Variants in RABGAP1L observed in about 807,000 individuals in gnomAD.
RABGAP1L encodes rab GTPase-activating protein 1-like.
RABGAP1L carries 63 observed loss-of-function variants against 137.7 expected under a neutral mutation model. The ratio of observed to expected loss-of-function variants is 0.46; its 90% CI spans 0.37 to 0.56. RABGAP1L has a LOEUF of 0.56. Ranked by LOEUF, RABGAP1L falls within the 20% of genes least tolerant of loss-of-function variation. The pLI is 0.00. For synonymous variants in RABGAP1L, 431 were observed against 433.7 expected (o/e 0.99, Z 0.08); for missense variants, 1,095 against 1,244.0 (o/e 0.88, Z 1.80).
intron 19 of RABGAP1L, among the ~76,000 whole-genome samples, chr1:174,907,231 A>G (rs1375187732): frequency 6.6e-6 from 1 of 152,194 alleles, no homozygotes; most frequent in Non-Finnish European, 1.5e-5. Context: ...CTGAAAGTCA[A>G]AAGGGGGAGG....
intron 19 of RABGAP1L, among the ~76,000 whole-genome samples, chr1:174,935,747 C>T (rs868827666): frequency 3.3e-5 from 5 of 152,068 alleles, no homozygotes; most frequent in Middle Eastern, 3.4e-3. Flanking sequence ...TTTGGGAGGC[C>T]GAGGCGGGCG....
intron 4 of RABGAP1L, among the ~76,000 whole-genome samples, chr1:174,233,135 T>C (rs1213516501): frequency 1.3e-5 from 2 of 152,150 alleles, no homozygotes; most frequent in African/African-American, 2.4e-5. Flanking sequence ...GATACTACTC[T>C]TATTCAAGAG....
rs1676753628 is a variant in RABGAP1L at position 174,292,774 on chromosome 1, A to C, written c.1324-12212A>C. ...GTCCATTATGTCAAGTTCTATAATA[A>C]GATTTTCCTGTGATCTTTACTCAGT... On this transcript the variant is annotated intron_variant, in intron 10 of 25. Transcript: ENST00000681986. 3.3e-5 allele frequency among the ~76,000 whole-genome samples: 5 copies of C among 152,174 alleles called. No homozygotes were observed. The South Asian group carries it at 1.0e-3, about 32-fold the overall frequency.
At chr1:174,838,810 G>A (rs926106343) in intron 19 of RABGAP1L, among the ~76,000 whole-genome samples, 8 of 150,478 alleles carry the variant, frequency 5.3e-5, no homozygotes, top group African/African-American at 1.5e-4. Flanking sequence ...CCAGCTACTC[G>A]GAGAGGCTGA....
intron 12 of RABGAP1L, among the ~76,000 whole-genome samples, chr1:174,372,108 A>G (rs1685158569): frequency 6.6e-6 from 1 of 152,296 alleles, no homozygotes; most frequent in East Asian, 1.9e-4. Context: ...CCTTACACAT[A>G]TCACATAAAA....
chr1:174,456,083 AT>A (rs1028708296), intron 13 of RABGAP1L, among the ~76,000 whole-genome samples: 5 of 152,028 alleles, frequency 3.3e-5, no homozygotes, highest in African/African-American at 1.2e-4. Flanking sequence ...TTCTATGTGA[AT>A]TTTTTTCTTT....
At chr1:174,227,782 T>A (rs976795606) in intron 3 of RABGAP1L, among the ~76,000 whole-genome samples, 1 of 152,132 alleles carries the variant, frequency 6.6e-6, no homozygotes, top group Non-Finnish European at 1.5e-5. Flanking sequence ...TTTGTTACCT[T>A]CTAGATTTTA....
chr1:174,428,797 G>A (rs143539372), intron 13 of RABGAP1L, among the ~76,000 whole-genome samples: 5 of 152,228 alleles, frequency 3.3e-5, no homozygotes, highest in African/African-American at 1.2e-4. Context: ...AATACATGGA[G>A]ATATACAATT....
At chr1:174,780,119 T>TAAAA (rs1344038351) in intron 18 of RABGAP1L, among the ~76,000 whole-genome samples, 11 of 131,090 alleles carry the variant, frequency 8.4e-5, no homozygotes, top group Admixed American at 1.6e-4. Context: ...AATAAATAAA[T>TAAAA]TAAATAAGCC....
chr1:174,874,607 A>T lies in RABGAP1L; in HGVS notation c.2340+62647A>T, dbSNP rs1465684946. The T allele has an allele frequency of 7.4e-5, 44 of 593,486 alleles. No homozygotes were observed. The Middle Eastern group carries it at 2.9e-3, about 39-fold the overall frequency. The allele number at this position is 593,486 out of a possible 1,614,324, so 36.8% of individuals were successfully genotyped here. ...TTTTTTTTTTTTTTTTTTTTTTCCA[A>T]TGCAGTTGCGTGGTGTGAAGGCGAT... is the stretch of plus-strand genomic sequence containing the variant. On this transcript the variant is annotated intron_variant, in intron 19 of 25. Coordinates refer to ENST00000681986, the MANE Select transcript of RABGAP1L (RefSeq NM_001366446.1).
At chr1:174,772,299 T>G (rs1686176797) in intron 18 of RABGAP1L, among the ~76,000 whole-genome samples, 1 of 151,792 alleles carries the variant, frequency 6.6e-6, no homozygotes, top group Non-Finnish European at 1.5e-5. Context: ...ACAATTTTGG[T>G]CAGGGCAGTG....
intron 10 of RABGAP1L, among the ~76,000 whole-genome samples, chr1:174,293,281 A>AT (rs1676798066): frequency 1.3e-5 from 2 of 152,190 alleles, no homozygotes; most frequent in African/African-American, 4.8e-5. Context: ...CATTGGAAAC[A>AT]TTGACAGTGT....
intron 13 of RABGAP1L, among the ~76,000 whole-genome samples, chr1:174,622,421 A>C (rs574544546): frequency 3.9e-5 from 6 of 152,344 alleles, no homozygotes; most frequent in East Asian, 3.9e-4. Context: ...TTATTGCGGC[A>C]CTATTCACAA....
At chr1:174,265,866 TA>T (rs1674025077) in intron 7 of RABGAP1L, among the ~76,000 whole-genome samples, 1 of 152,160 alleles carries the variant, frequency 6.6e-6, no homozygotes, top group Non-Finnish European at 1.5e-5. Flanking sequence ...AAATTCTCTG[TA>T]CTGGTAGCAG....
chr1:174,489,466 A>T (rs544970499), intron 13 of RABGAP1L, among the ~76,000 whole-genome samples: 1 of 152,258 alleles, frequency 6.6e-6, no homozygotes, highest in East Asian at 1.9e-4. Flanking sequence ...ATGCAAATCA[A>T]AACCACAATG....
intron 11 of RABGAP1L, among the ~76,000 whole-genome samples, chr1:174,341,188 T>G (rs1325696613): frequency 6.6e-6 from 1 of 151,876 alleles, no homozygotes; most frequent in Non-Finnish European, 1.5e-5. Flanking sequence ...AGTTCTTTCT[T>G]AATTCATGTT....
At chr1:174,946,024 C>G (rs1666686549) in intron 19 of RABGAP1L, 1 of 151,132 alleles carries the variant, frequency 6.6e-6, no homozygotes, top group African/African-American at 2.4e-5. Context: ...CTATCTGTCT[C>G]TCTCTCTCTC....
At chr1:174,864,125 C>T (rs1650794164) in intron 19 of RABGAP1L, among the ~76,000 whole-genome samples, 1 of 152,166 alleles carries the variant, frequency 6.6e-6, no homozygotes, top group Non-Finnish European at 1.5e-5. Flanking sequence ...ATTACCTATA[C>T]ATGATGGTTT....
chr1:174,898,691 G>C (rs1475479540), intron 19 of RABGAP1L, among the ~76,000 whole-genome samples: 1 of 152,168 alleles, frequency 6.6e-6, no homozygotes, highest in Non-Finnish European at 1.5e-5. Context: ...CATGGAAAGA[G>C]GGCCTTGGTC....
Sources: gnomAD v4.1 joint callset for allele counts (sites outside exome capture counted in the v4.1 genomes callset) on GRCh38, gnomAD v4.1.1 for gene constraint, MANE v1.5 for transcripts, NCBI Gene and HGNC (gene_info 2026-07-23, HGNC 2026-07-21) for gene names.